The following ZPLD1 variants were observed in gnomAD, a reference collection of about 807,000 sequenced individuals.
The protein encoded by ZPLD1 is zona pellucida like domain containing 1, also known as zona pellucida-like domain-containing protein 1.
ZPLD1 carries 34 observed loss-of-function variants against 47.2 expected under a neutral mutation model. The ratio of observed to expected loss-of-function variants is 0.72; its 90% CI spans 0.55 to 0.96. ZPLD1 has a LOEUF of 0.96. ZPLD1 is among the 40% of genes least tolerant of loss of function. The pLI is 0.00. For missense variants in ZPLD1, 512 were observed against 505.8 expected (o/e 1.01, Z -0.12); for synonymous variants, 176 against 186.2 (o/e 0.95, Z 0.45).
At chr3:102,425,325 C>T (rs1412194799) in intron 8 of ZPLD1, among the ~76,000 whole-genome samples, 3 of 152,000 alleles carry the variant, frequency 2.0e-5, no homozygotes, top group South Asian at 4.2e-4. Context: ...GAACTTTTAC[C>T]AAAATACTAT....
In ZPLD1 at chr3:102,398,878, G is replaced by GCACA. The variant is rs10564376; in HGVS notation, c.-157+6674_-157+6677dup. ...AGCTTGTGCTTTTATGCGTGCGCAC[G>GCACA]CACACACACACACACACACACACAT... On this transcript the variant is annotated intron_variant, in intron 7 of 17. Transcript: ENST00000491959. Among the ~76,000 whole-genome samples, 68 of 149,232 alleles carry GCACA rather than the reference G, an allele frequency of 4.6e-4. 1 individual carries two copies. The East Asian group carries it at 7.7e-3, about 17-fold the overall frequency.
At chr3:102,407,021 T>C (rs1706695431) in intron 7 of ZPLD1, among the ~76,000 whole-genome samples, 1 of 151,856 alleles carries the variant, frequency 6.6e-6, no homozygotes. Flanking sequence ...AAGTTTATTC[T>C]GCAGGTTCTG....
intron 6 of ZPLD1, among the ~76,000 whole-genome samples, chr3:102,388,429 G>GTA (rs1706457361): frequency 7.4e-6 from 1 of 135,934 alleles, no homozygotes; most frequent in Admixed American, 7.4e-5. Flanking sequence ...CTCTCCTGGA[G>GTA]TCTCTCTCTC....
At chr3:102,406,965 T>C (rs1706694869) in intron 7 of ZPLD1, among the ~76,000 whole-genome samples, 2 of 152,018 alleles carry the variant, frequency 1.3e-5, no homozygotes, top group Middle Eastern at 3.4e-3. Flanking sequence ...ATGAAAGTTA[T>C]CATTTTTGAA....
chr3:102,457,011 T>G (rs1454986721), intron 5 of ZPLD1, among the ~76,000 whole-genome samples: 1 of 152,234 alleles, frequency 6.6e-6, no homozygotes. Context: ...GAGAGGGCTA[T>G]GCCCACATTA....
At chr3:102,412,116 C>T (rs1369604408) in intron 7 of ZPLD1, among the ~76,000 whole-genome samples, 5 of 151,664 alleles carry the variant, frequency 3.3e-5, no homozygotes. Flanking sequence ...AAGGCGTTCA[C>T]ATTGGATGAG....
chr3:102,450,074 A>G (rs1707313616), intron 3 of ZPLD1, among the ~76,000 whole-genome samples: 2 of 152,210 alleles, frequency 1.3e-5, no homozygotes, highest in African/African-American at 4.8e-5. Context: ...AGAGTGGCAT[A>G]CCTTAGACTT....
chr3:102,391,926 T>G (rs1706500014), intron 6 of ZPLD1, among the ~76,000 whole-genome samples: 1 of 152,108 alleles, frequency 6.6e-6, no homozygotes, highest in South Asian at 2.1e-4. Context: ...AACCTGCTTT[T>G]TCGAGCTCAT....
At chr3:102,457,350 A>C (rs946381472) in intron 5 of ZPLD1, among the ~76,000 whole-genome samples, 13 of 152,184 alleles carry the variant, frequency 8.5e-5, no homozygotes, top group Non-Finnish European at 1.8e-4. Flanking sequence ...CTTGAGTTTC[A>C]ATTCCATGGA....
intron 7 of ZPLD1, among the ~76,000 whole-genome samples, chr3:102,406,991 C>T (rs938347638): frequency 5.3e-5 from 8 of 151,722 alleles, no homozygotes; most frequent in African/African-American, 1.9e-4. Context: ...GATTACATAT[C>T]CAAGTGGATG....
intron 7 of ZPLD1, among the ~76,000 whole-genome samples, chr3:102,414,648 A>G (rs939869145): frequency 1.6e-4 from 25 of 151,880 alleles, no homozygotes; most frequent in Non-Finnish European, 3.2e-4. Context: ...GATCATGTGT[A>G]AATAAATAAC....
At chr3:102,426,062 C>T (rs1203607439) in intron 8 of ZPLD1, among the ~76,000 whole-genome samples, 1 of 151,486 alleles carries the variant, frequency 6.6e-6, no homozygotes, top group Non-Finnish European at 1.5e-5. Context: ...AATATACAAA[C>T]ATTGAAATAG....
chr3:102,460,570 T>C (rs925664039), intron 6 of ZPLD1, among the ~76,000 whole-genome samples: 10 of 152,010 alleles, frequency 6.6e-5, no homozygotes, highest in Admixed American at 3.9e-4. Context: ...GTGTGGAGAG[T>C]CAGCAAATAT....
intron 3 of ZPLD1, among the ~76,000 whole-genome samples, chr3:102,451,896 T>G (rs1707341506): frequency 6.6e-6 from 1 of 152,190 alleles, no homozygotes; most frequent in South Asian, 2.1e-4. Flanking sequence ...TAATTTAATC[T>G]GCAACAACCT....
intron 7 of ZPLD1, among the ~76,000 whole-genome samples, chr3:102,416,753 T>C (rs1166577553): frequency 6.6e-6 from 1 of 151,814 alleles, no homozygotes; most frequent in Non-Finnish European, 1.5e-5. Context: ...ATATTAAAGG[T>C]ATTTGAAAAA....
chr3:102,449,652 G>A (rs1707307421), intron 3 of ZPLD1, among the ~76,000 whole-genome samples: 1 of 152,202 alleles, frequency 6.6e-6, no homozygotes, highest in East Asian at 1.9e-4. Context: ...GCATTGCTGT[G>A]TTCAAGTAAT....
intron 5 of ZPLD1, 88 bp downstream of exon 5, chr3:102,456,462 A>AG: frequency 2.6e-6 from 3 of 1,153,796 alleles, no homozygotes; most frequent in Non-Finnish European, 3.7e-6. Context: ...AGATAGCAGG[A>AG]TTTATTAAAA....
At chr3:102,404,930 G>A (rs1706664083) in intron 7 of ZPLD1, among the ~76,000 whole-genome samples, 1 of 151,886 alleles carries the variant, frequency 6.6e-6, no homozygotes, top group Non-Finnish European at 1.5e-5. Context: ...TATTCTCAGA[G>A]ACATTCCCCA....
At chr3:102,408,005 T>C (rs760703183) in intron 7 of ZPLD1, among the ~76,000 whole-genome samples, 1 of 151,828 alleles carries the variant, frequency 6.6e-6, no homozygotes, top group African/African-American at 2.4e-5. Context: ...GTTCAAGAAT[T>C]AAGTTTGTTT....
Sources: gnomAD v4.1 joint callset for allele counts (sites outside exome capture counted in the v4.1 genomes callset) on GRCh38, gnomAD v4.1.1 for gene constraint, MANE v1.5 for transcripts, NCBI Gene and HGNC (gene_info 2026-07-23, HGNC 2026-07-21) for gene names.